ZNF333: variants seen among roughly 807,000 people sequenced by gnomAD.
The protein encoded by ZNF333 is zinc finger protein 333.
Under a neutral mutation model 76.1 loss-of-function variants are expected in ZNF333, and 61 were observed. That is an observed-to-expected ratio of 0.80 (90% CI 0.65 to 0.99). ZNF333 has a LOEUF of 0.99. Ranked by LOEUF, ZNF333 falls within the 50% of genes least tolerant of loss-of-function variation. The pLI is 0.00. For missense variants in ZNF333, 717 were observed against 822.4 expected (o/e 0.87, Z 1.57); for synonymous variants, 284 against 305.0 (o/e 0.93, Z 0.72).
intron 5 of ZNF333, chr19:14,700,189 CTT>C (rs5827253): frequency 1.4e-5 from 2 of 147,848 alleles, no homozygotes; most frequent in Admixed American, 6.8e-5. Flanking sequence ...CTTTTTCTTT[CTT>C]TTTTTTTTTC....
intron 7 of ZNF333, among the ~76,000 whole-genome samples, chr19:14,707,549 C>CTTT (rs751633025): frequency 7.3e-4 from 85 of 115,674 alleles, no homozygotes; most frequent in East Asian, 2.3e-3. Context: ...AGCTTTGTTT[C>CTTT]TTTTTTTTTT....
chr19:14,696,221 A>G (rs978532686), intron 4 of ZNF333, among the ~76,000 whole-genome samples: 4 of 152,056 alleles, frequency 2.6e-5, no homozygotes, highest in Non-Finnish European at 4.4e-5. Flanking sequence ...ACACCATGAA[A>G]TTCACCCCTT....
chr19:14,695,728 A>G (rs900754805), intron 4 of ZNF333, 67 bp downstream of exon 4: 13 of 1,442,318 alleles, frequency 9.0e-6, no homozygotes, highest in Non-Finnish European at 1.3e-5. Flanking sequence ...GGGAAGTGTC[A>G]AGAGCATTTT....
At chr19:14,715,157 TTGTG>T (rs1298213122) in intron 7 of ZNF333, 14 of 506,690 alleles carry the variant, frequency 2.8e-5, no homozygotes, top group Non-Finnish European at 4.4e-5. Context: ...GTGTGCGTGT[TTGTG>T]TGTATATGTG....
intron 5 of ZNF333, among the ~76,000 whole-genome samples, chr19:14,704,518 A>G (rs2042054113): frequency 6.6e-6 from 1 of 152,162 alleles, no homozygotes; most frequent in South Asian, 2.1e-4. Context: ...GACATACCCG[A>G]GACTGGGCAA....
At position 14,701,558 on chromosome 19, in the gene ZNF333, A is replaced by G. The variant is rs1015478752; in HGVS notation, c.306+2277A>G. ...AAGGCATCTCCAGTTCCCATCCTCC[A>G]CCTCCATGTCTCTCTTGCTCAGCAG... On this transcript the variant is annotated intron_variant, in intron 5 of 11. Coordinates refer to ENST00000292530, the MANE Select transcript of ZNF333 (RefSeq NM_032433.4). 11 of 985,168 alleles carry G rather than the reference A, an allele frequency of 1.1e-5. No individual in the cohort carries two copies. In the African/African-American group the frequency reaches 1.9e-4, roughly 17 times the overall value. 61.0% of individuals were successfully genotyped at this position (985,168 alleles called of 1,614,324 possible).
chr19:14,711,682 A>C (rs2042279970), intron 7 of ZNF333, among the ~76,000 whole-genome samples: 1 of 152,084 alleles, frequency 6.6e-6, no homozygotes, highest in African/African-American at 2.4e-5. Flanking sequence ...CATATAAAAC[A>C]TTTATATTGA....
chr19:14,716,895 A>G (rs1316168646), intron 9 of ZNF333, 99 bp from the exon 10 acceptor site: 4 of 1,076,554 alleles, frequency 3.7e-6, no homozygotes, highest in Non-Finnish European at 5.3e-6. Context: ...GCATTTTGCC[A>G]CTCCCATCTC....
intron 4 of ZNF333, among the ~76,000 whole-genome samples, chr19:14,696,911 G>A (rs182633614): frequency 2.8e-4 from 43 of 152,012 alleles, no homozygotes; most frequent in Admixed American, 2.5e-3. Flanking sequence ...GCTAATTTTT[G>A]TATTTTTAGT....
chr19:14,694,264 G>A (rs2146948072), intron 2 of ZNF333, among the ~76,000 whole-genome samples: 1 of 152,248 alleles, frequency 6.6e-6, no homozygotes, highest in Admixed American at 6.5e-5. Flanking sequence ...CTTGAGGCTG[G>A]GAGTTCAAGA....
rs541254524 is a variant in ZNF333, at chr19:14,702,124, G to C, written c.306+2843G>C. 3.9e-5 allele frequency among the ~76,000 whole-genome samples: 6 copies of C among 152,268 alleles called. No individual in the cohort carries two copies. The South Asian group carries it at 1.0e-3, about 26-fold the overall frequency. On this transcript the variant is annotated intron_variant, in intron 5 of 11. Transcript: ENST00000292530. The stretch of plus-strand genomic sequence containing the variant: ...CTGTCACATGGGAAAAAGTGCTGAT[G>C]GCCAGGGACAGATTGAGTCCCCATG...
At chr19:14,711,048 A>G (rs1184853337) in intron 7 of ZNF333, among the ~76,000 whole-genome samples, 2 of 152,082 alleles carry the variant, frequency 1.3e-5, no homozygotes, top group African/African-American at 4.8e-5. Flanking sequence ...AAGTAGTAGA[A>G]GAGTACTCCT....
Position 14,693,478 on chromosome 19 carries a change from C to G in ZNF333, c.-14C>G. 6.2e-7 allele frequency: 1 copy of G among 1,602,608 alleles called. No homozygotes were observed. The highest frequency in any genetic ancestry group is 8.5e-7 in the Non-Finnish European group (1 of 1,171,554). ...AGAACACCGACTGAGACCTCAAACC[C>G]TGGCTCCAGTGTCATGGTGAGGAAA... On this transcript the variant is annotated 5_prime_UTR_variant, in exon 2 of 12. Coordinates refer to ENST00000292530, the MANE Select transcript of ZNF333 (RefSeq NM_032433.4).
At chr19:14,695,760 G>T in intron 4 of ZNF333, 99 bp downstream of exon 4, 1 of 970,266 alleles carries the variant, frequency 1.0e-6, no homozygotes, top group Non-Finnish European at 1.6e-6. Flanking sequence ...TGTTCTGAGG[G>T]GACATCGAAG....
rs2042591522 is a variant in ZNF333, at chr19:14,721,803, T to C, written c.*2478T>C. 6.6e-6 allele frequency: 1 copy of C among 152,248 alleles called. No homozygotes were observed. Among genetic ancestry groups the C allele is most frequent in the Admixed American group, 6.5e-5 (1 of 15,282 alleles). 9.4% of individuals were successfully genotyped at this position (152,248 alleles called of 1,614,324 possible). ...TTTTCTTTATCCATTCATCCACCGA[T>C]GGACAGTTAGGTTGATTCCATATCT... is the stretch of plus-strand genomic sequence containing the variant. On this transcript the variant is annotated 3_prime_UTR_variant, in exon 12 of 12. Transcript: ENST00000292530.
At chr19:14,709,820 C>T (rs764878421) in intron 7 of ZNF333, among the ~76,000 whole-genome samples, 2 of 152,246 alleles carry the variant, frequency 1.3e-5, no homozygotes, top group Non-Finnish European at 2.9e-5. Context: ...GAACTGTTAG[C>T]AGCAAATTTC....
chr19:14,709,814 T>C (rs964592304), intron 7 of ZNF333, among the ~76,000 whole-genome samples: 3 of 152,206 alleles, frequency 2.0e-5, no homozygotes, highest in Non-Finnish European at 4.4e-5. Context: ...CATCCAGAAC[T>C]GTTAGCAGCA....
rs564604356 is a variant in ZNF333 at position 14,729,339 on chromosome 19, A to G, written c.901-1836A>G. Among the ~76,000 whole-genome samples, 173 of 151,748 alleles carry G rather than the reference A, an allele frequency of 1.1e-3. 1 individual carries two copies. The highest frequency in any genetic ancestry group is 2.2e-3 in the Non-Finnish European group (147 of 67,964). On this transcript the variant is annotated intron_variant, in intron 11 of 11. Coordinates refer to the ZNF333 transcript ENST00000540689. ...TAAATGCCAGTAGCTTGGGTTGGGG[A>G]GATGTTGGTCAAACGATACACTTTT...
At chr19:14,700,922 G>A (rs1346411412) in intron 5 of ZNF333, among the ~76,000 whole-genome samples, 1 of 152,138 alleles carries the variant, frequency 6.6e-6, no homozygotes, top group Non-Finnish European at 1.5e-5. Flanking sequence ...TCTTTGCCAG[G>A]GAAGCTTCTG....
Sources: gnomAD v4.1 joint callset for allele counts (sites outside exome capture counted in the v4.1 genomes callset) on GRCh38, gnomAD v4.1.1 for gene constraint, MANE v1.5 for transcripts, NCBI Gene and HGNC (gene_info 2026-07-23, HGNC 2026-07-21) for gene names.